Variants in PXDN observed in about 807,000 individuals in gnomAD.
PXDN encodes the protein peroxidasin.
PXDN carries 77 observed loss-of-function variants against 140.3 expected under a neutral mutation model. The ratio of observed to expected loss-of-function variants is 0.55; its 90% CI spans 0.46 to 0.66. The LOEUF (loss-of-function observed/expected upper bound fraction) is 0.66, where lower values mean the gene tolerates loss of function less well. Among genes scored for constraint, PXDN ranks in the 30% least tolerant of loss-of-function variants. The pLI is 0.00. For synonymous variants in PXDN, 911 were observed against 857.4 expected (o/e 1.06, Z -1.09); for missense variants, 1,838 against 2,039.5 (o/e 0.90, Z 1.90).
chr2:1,678,671 C>T (rs895257935), intron 7 of PXDN, among the ~76,000 whole-genome samples: 2 of 152,218 alleles, frequency 1.3e-5, no homozygotes, highest in Admixed American at 1.3e-4. Context: ...CACAGCTCAG[C>T]AGAGCTGCCA....
chr2:1,741,919 C>A (rs757447502), intron 1 of PXDN, among the ~76,000 whole-genome samples: 1 of 152,096 alleles, frequency 6.6e-6, no homozygotes, highest in Non-Finnish European at 1.5e-5. Context: ...GACCATGCCC[C>A]CAGAGACCCC....
rs541210812 is a variant in PXDN, at chr2:1,663,020, C to T, written c.1567+585G>A. On this transcript the variant is annotated intron_variant, in intron 12 of 22. Transcript: ENST00000252804. The stretch of plus-strand genomic sequence containing the variant: ...TGCAACACGGGGGCTGGGCCAGGGG[C>T]CTTCGCTCTTGCAGAGGCCACAATC... 3.9e-5 allele frequency among the ~76,000 whole-genome samples: 6 copies of T among 152,332 alleles called. No individual in the cohort carries two copies. The East Asian group carries it at 7.7e-4, about 20-fold the overall frequency.
At chr2:1,681,552 C>T (rs570454097) in intron 6 of PXDN, among the ~76,000 whole-genome samples, 1 of 151,642 alleles carries the variant, frequency 6.6e-6, no homozygotes, top group Non-Finnish European at 1.5e-5. Context: ...TAGGGGCCGA[C>T]GCTGGCTCCA....
chr2:1,699,053 T>A (rs1684360276), intron 1 of PXDN, among the ~76,000 whole-genome samples: 1 of 152,152 alleles, frequency 6.6e-6, no homozygotes, highest in Admixed American at 6.5e-5. Flanking sequence ...AATTGTAGTG[T>A]TTGGAACGAA....
intron 14 of PXDN, among the ~76,000 whole-genome samples, chr2:1,655,907 C>T (rs1382884860): frequency 6.6e-6 from 1 of 151,786 alleles, no homozygotes; most frequent in African/African-American, 2.4e-5. Flanking sequence ...ACACGACACA[C>T]ACATCACATT....
chr2:1,662,154 T>C lies in PXDN; in HGVS notation c.1598A>G (p.Asp533Gly). 1 of 1,593,682 alleles carries C rather than the reference T, an allele frequency of 6.3e-7. No individual in the cohort carries two copies. The highest frequency in any genetic ancestry group is 8.5e-7 in the Non-Finnish European group (1 of 1,169,998). ...VTPVFASIPS[D>G]TTVEVGANVQ... Reference sequence around the variant, plus strand: ...ATTGGCGCCCACCTCCACTGTTGTGTCGCTGGGAATGCTGGCAAACACTGG... The same window carrying C: ...ATTGGCGCCCACCTCCACTGTTGTGCCGCTGGGAATGCTGGCAAACACTGG... The change falls in exon 13 of 23, where the codon GAC becomes GGC. Residue 533 changes from aspartate to glycine, a missense_variant. This residue lies in a region of PXDN where 537 missense variants were observed against 583.9 expected (regional missense o/e 0.92). Coordinates refer to ENST00000252804, the MANE Select transcript of PXDN (RefSeq NM_012293.3).
intron 1 of PXDN, among the ~76,000 whole-genome samples, chr2:1,738,311 A>T (rs1031924227): frequency 5.9e-5 from 9 of 152,204 alleles, no homozygotes; most frequent in African/African-American, 2.2e-4. Flanking sequence ...TTAGCTTCTC[A>T]GCTCCAGGCC....
intron 1 of PXDN, among the ~76,000 whole-genome samples, chr2:1,720,500 G>A (rs943079583): frequency 6.6e-6 from 1 of 152,068 alleles, no homozygotes; most frequent in Non-Finnish European, 1.5e-5. Context: ...AGATGGTGGT[G>A]GCTTGGCAAG....
chr2:1,723,121 G>T (rs1685092063), intron 1 of PXDN, among the ~76,000 whole-genome samples: 2 of 152,268 alleles, frequency 1.3e-5, no homozygotes, highest in Non-Finnish European at 2.9e-5. Context: ...TGGACAGATG[G>T]ACTAATGAAT....
chr2:1,719,922 CAGAGAGGGAG>C (rs1558525534), intron 1 of PXDN, among the ~76,000 whole-genome samples: 10 of 42,800 alleles, frequency 2.3e-4, no homozygotes, highest in Admixed American at 7.7e-4. Context: ...GGGAGGGATG[CAGAGAGGGAG>C]AGAGAGAGAG....
chr2:1,656,400 C>A (rs1055031914), intron 14 of PXDN, among the ~76,000 whole-genome samples: 1 of 152,220 alleles, frequency 6.6e-6, no homozygotes, highest in Non-Finnish European at 1.5e-5. Flanking sequence ...CTTCAACATA[C>A]GCAATCTTTT....
chr2:1,634,339 G>T lies in PXDN; in HGVS notation c.4321-16C>A. The T allele has an allele frequency of 1.3e-6, 2 of 1,562,014 alleles. No homozygotes were observed. Among genetic ancestry groups the T allele is most frequent in the Non-Finnish European group, 1.7e-6 (2 of 1,152,532 alleles). On this transcript the variant is annotated splice_polypyrimidine_tract_variant and intron_variant, in intron 22 of 22. Transcript: ENST00000252804. ...CCTGCCCGTCCTGGAGAAGAGAGACGGAGCACAGCCTGTCAGCTCTGGGAT... is the reference window on the plus strand; with the variant it reads ...CCTGCCCGTCCTGGAGAAGAGAGACTGAGCACAGCCTGTCAGCTCTGGGAT...
At position 1,744,248 on chromosome 2, in the gene PXDN, GCACTCACAGGATGGAGGTCTGCGGCGC is replaced by G; in HGVS notation, c.181_200+7del. 6.7e-7 allele frequency: 1 copy of G among 1,485,598 alleles called. No homozygotes were observed. Among genetic ancestry groups the G allele is most frequent in the Non-Finnish European group, 8.9e-7 (1 of 1,121,546 alleles). The allele number at this position is 1,485,598 out of a possible 1,614,324, so 92.0% of individuals were successfully genotyped here. On this transcript the variant is annotated splice_donor_variant and splice_donor_5th_base_variant and coding_sequence_variant and intron_variant, in exon 1 of 23. Coordinates refer to ENST00000252804, the MANE Select transcript of PXDN (RefSeq NM_012293.3). LOFTEE classifies it high-confidence loss of function. Reference sequence around the variant, plus strand: ...CCCCGCGCCCCCGGCGTCCCCCGCGGCACTCACAGGATGGAGGTCTGCGGCGCCACGGCGGGCACGGCCTCCAGCAGC... The same window carrying G: ...CCCCGCGCCCCCGGCGTCCCCCGCGGCACGGCGGGCACGGCCTCCAGCAGC...
At chr2:1,693,169 A>G (rs1684222349) in intron 1 of PXDN, 35 bp from the exon 2 acceptor site, 1 of 1,477,006 alleles carries the variant, frequency 6.8e-7, no homozygotes, top group East Asian at 2.5e-5. Context: ...ATTACGTGAA[A>G]AAAAATCTAC....
At chr2:1,720,718 TCTCTCTCACACACACACACA>T (rs1685028313) in intron 1 of PXDN, among the ~76,000 whole-genome samples, 1 of 140,190 alleles carries the variant, frequency 7.1e-6, no homozygotes, top group Non-Finnish European at 1.5e-5. Flanking sequence ...TCTCTCTCTC[TCTCTCTCACACACACACACA>T]CACACACACA....
intron 16 of PXDN, among the ~76,000 whole-genome samples, chr2:1,650,317 C>T (rs1362966553): frequency 1.3e-5 from 2 of 152,216 alleles, no homozygotes; most frequent in African/African-American, 4.8e-5. Flanking sequence ...GGGCCTCCTG[C>T]CTGGTGGAGG....
intron 1 of PXDN, among the ~76,000 whole-genome samples, chr2:1,693,861 C>G (rs1684237852): frequency 6.6e-6 from 1 of 152,162 alleles, no homozygotes; most frequent in Admixed American, 6.5e-5. Flanking sequence ...TCCTGCTAAT[C>G]TGATGCTCAG....
In PXDN at chr2:1,649,864, C is replaced by T. The variant is rs1304096379; in HGVS notation, c.2105-189G>A. Among the ~76,000 whole-genome samples, 1 of 152,138 alleles carries T rather than the reference C, an allele frequency of 6.6e-6. No individual in the cohort carries two copies. The highest frequency in any genetic ancestry group is 2.4e-5 in the African/African-American group (1 of 41,438). On this transcript the variant is annotated intron_variant, in intron 16 of 22. Coordinates refer to ENST00000252804, the MANE Select transcript of PXDN (RefSeq NM_012293.3). This position sits in a 1 kb window ranked among gnomAD's most constrained non-coding sequence, Gnocchi z 7.1. The stretch of plus-strand genomic sequence containing the variant: ...CTCCTGTTTGGTAAAACTGCTCCTC[C>T]CCTCCTCCAGCCCCAAACACAGGTA...
intron 8 of PXDN, chr2:1,676,178 C>T (rs1255800729): frequency 1.5e-5 from 1 of 67,232 alleles, no homozygotes; most frequent in African/African-American, 1.3e-4. Context: ...CGCCTTTCAC[C>T]TCCTCCCATC....
Sources: gnomAD v4.1 joint callset for allele counts (sites outside exome capture counted in the v4.1 genomes callset) on GRCh38, gnomAD v4.1.1 for gene constraint, gnomAD v4.1.1 regional missense constraint, Gnocchi (gnomAD v3.1) non-coding constraint, MANE v1.5 for transcripts, NCBI Gene and HGNC (gene_info 2026-07-23, HGNC 2026-07-21) for gene names.